The following GMEB1 variants were observed in gnomAD, a reference collection of about 807,000 sequenced individuals.
GMEB1 encodes the protein glucocorticoid modulatory element binding protein 1.
GMEB1 carries 6 observed loss-of-function variants against 52.4 expected under a neutral mutation model. The ratio of observed to expected loss-of-function variants is 0.11; its 90% confidence interval spans 0.06 to 0.23. The LOEUF is 0.23. Ranked by LOEUF, GMEB1 falls within the 10% of genes least tolerant of loss-of-function variation. The probability of loss-of-function intolerance (pLI) is 1.00; values close to 1 mark genes in which losing one functional copy is unlikely to be tolerated. For missense variants in GMEB1, 486 were observed against 685.6 expected (o/e 0.71, Z 3.25); for synonymous variants, 255 against 244.9 (o/e 1.04, Z -0.38).
At chr1:28,682,962 T>A (rs1247238412) in intron 1 of GMEB1, among the ~76,000 whole-genome samples, 1 of 152,170 alleles carries the variant, frequency 6.6e-6, no homozygotes, top group Non-Finnish European at 1.5e-5. Flanking sequence ...CAACTTAGTG[T>A]CACTAAACTC....
At chr1:28,707,475 G>T (rs762688636) in intron 8 of GMEB1, among the ~76,000 whole-genome samples, 1 of 152,084 alleles carries the variant, frequency 6.6e-6, no homozygotes, top group Non-Finnish European at 1.5e-5. Context: ...AAGTTAGGAA[G>T]AAGTGATTAG....
chr1:28,702,297 A>G lies in GMEB1; in HGVS notation c.599-141A>G, dbSNP rs538870755. On this transcript the variant is annotated intron_variant, in intron 6 of 9. Coordinates refer to ENST00000373816, the MANE Select transcript of GMEB1 (RefSeq NM_001319674.2). ...TTCATCCTAGCTTACCTAAGAGTCTAGTTTTTAAAATAGGGACCTGCAGCC... is the reference window on the plus strand; with the variant it reads ...TTCATCCTAGCTTACCTAAGAGTCTGGTTTTTAAAATAGGGACCTGCAGCC... 1.2e-4 allele frequency: 64 copies of G among 540,112 alleles called. 1 individual carries two copies. In the South Asian group the frequency reaches 2.1e-3, roughly 18 times the overall value. 33.5% of individuals were successfully genotyped at this position (540,112 alleles called of 1,614,324 possible).
intron 5 of GMEB1, among the ~76,000 whole-genome samples, chr1:28,696,621 C>G (rs1670222016): frequency 6.6e-6 from 1 of 152,044 alleles, no homozygotes; most frequent in African/African-American, 2.4e-5. Context: ...GAACTTTTTT[C>G]TGTATTCCTA....
intron 8 of GMEB1, among the ~76,000 whole-genome samples, chr1:28,709,133 C>A (rs79232715): frequency 2.9e-4 from 35 of 120,602 alleles, no homozygotes; most frequent in East Asian, 7.3e-4. Flanking sequence ...GACTCCATCT[C>A]AAAAAAAAAA....
chr1:28,714,805 G>T lies in GMEB1; in HGVS notation c.*32G>T. The T allele has an allele frequency of 7.1e-7, 1 of 1,406,868 alleles. No homozygotes were observed. Among genetic ancestry groups the T allele is most frequent in the South Asian group, 1.2e-5 (1 of 81,260 alleles). The allele number at this position is 1,406,868 out of a possible 1,614,324, so 87.1% of individuals were successfully genotyped here. On this transcript the variant is annotated 3_prime_UTR_variant, in exon 10 of 10. Coordinates refer to ENST00000373816, the MANE Select transcript of GMEB1 (RefSeq NM_001319674.2). ...ATCTCAGGGCCAGGAGTTATGTTTTGATTTGGAATTTTAATTATTTGTTTA... is the reference window on the plus strand; with the variant it reads ...ATCTCAGGGCCAGGAGTTATGTTTTTATTTGGAATTTTAATTATTTGTTTA...
At chr1:28,694,629 A>G (rs1323015230) in intron 5 of GMEB1, among the ~76,000 whole-genome samples, 1 of 151,634 alleles carries the variant, frequency 6.6e-6, no homozygotes, top group Non-Finnish European at 1.5e-5. Context: ...TACAGGTGTG[A>G]GCCAGTGTGG....
intron 5 of GMEB1, among the ~76,000 whole-genome samples, chr1:28,694,747 T>C: frequency 6.6e-6 from 1 of 151,902 alleles, no homozygotes; most frequent in Non-Finnish European, 1.5e-5. Context: ...CACTGCAACT[T>C]CCGCCTCCCA....
chr1:28,681,896 G>C (rs61786041), intron 1 of GMEB1, among the ~76,000 whole-genome samples: 92 of 152,062 alleles, frequency 6.1e-4, no homozygotes, highest in African/African-American at 2.2e-3. Flanking sequence ...TAGAGACAGG[G>C]TTTCTCCAGG....
chr1:28,686,655 A>G (rs1264636459), intron 2 of GMEB1, among the ~76,000 whole-genome samples: 2 of 148,010 alleles, frequency 1.4e-5, no homozygotes, highest in Non-Finnish European at 3.0e-5. Flanking sequence ...AAAGGACATT[A>G]TTCATACATG....
At chr1:28,687,383 C>CAAA (rs1435336898) in intron 2 of GMEB1, among the ~76,000 whole-genome samples, 6 of 35,206 alleles carry the variant, frequency 1.7e-4, no homozygotes, top group Admixed American at 8.4e-4. Context: ...CACACACACA[C>CAAA]ACACAAAAAA....
intron 5 of GMEB1, 144 bp from the exon 6 acceptor site, chr1:28,696,783 T>G (rs1489479147): frequency 1.9e-6 from 1 of 519,898 alleles, no homozygotes; most frequent in African/African-American, 2.0e-5. Context: ...TTAGAATTTT[T>G]GCAACCTAAT....
chr1:28,678,823 G>A (rs1356716167), intron 1 of GMEB1, among the ~76,000 whole-genome samples: 1 of 151,796 alleles, frequency 6.6e-6, no homozygotes, highest in Non-Finnish European at 1.5e-5. Context: ...CTGAGCTTAA[G>A]CAATCCGCCC....
intron 9 of GMEB1, among the ~76,000 whole-genome samples, chr1:28,711,353 T>C (rs1671052893): frequency 6.6e-6 from 1 of 152,010 alleles, no homozygotes; most frequent in Admixed American, 6.6e-5. Flanking sequence ...AAATACAGGC[T>C]TTTGGTCCCT....
intron 6 of GMEB1, among the ~76,000 whole-genome samples, chr1:28,701,965 C>T (rs952417370): frequency 1.3e-5 from 2 of 152,154 alleles, no homozygotes; most frequent in Admixed American, 6.6e-5. Context: ...CTTTTACTTT[C>T]TCTTTATAGG....
intron 1 of GMEB1, among the ~76,000 whole-genome samples, chr1:28,679,717 T>G (rs1480960464): frequency 1.3e-5 from 2 of 152,170 alleles, no homozygotes; most frequent in African/African-American, 4.8e-5. Context: ...GCTGTATAGC[T>G]TAGCCTAGCT....
At chr1:28,704,120 CGTT>C (rs754357146) in intron 7 of GMEB1, 69 bp from the exon 8 acceptor site, 36 of 1,282,366 alleles carry the variant, frequency 2.8e-5, no homozygotes, top group Non-Finnish European at 3.8e-5. Context: ...TTGAATTTAA[CGTT>C]GTAGAGATTT....
At position 28,715,507 on chromosome 1, in the gene GMEB1, CAGG is replaced by C. The variant is rs908081072; in HGVS notation, c.*737_*739del. 1 of 148,686 alleles carries C rather than the reference CAGG, an allele frequency of 6.7e-6. No individual in the cohort carries two copies. The highest frequency in any genetic ancestry group is 2.5e-5 in the African/African-American group (1 of 40,080). 9.2% of individuals were successfully genotyped at this position (148,686 alleles called of 1,614,324 possible). A position where few individuals can be genotyped will look rare whatever the true frequency, so the allele number is the denominator to read the frequency against. On this transcript the variant is annotated 3_prime_UTR_variant, in exon 10 of 10. Transcript: ENST00000373816. Reference sequence around the variant, plus strand: ...ATCCCAGCTATTCAGGAGGCCAAGGCAGGAGAATCGCTTGAACCTGGGAAGGCA... The same window carrying C: ...ATCCCAGCTATTCAGGAGGCCAAGGCAGAATCGCTTGAACCTGGGAAGGCA...
intron 1 of GMEB1, among the ~76,000 whole-genome samples, chr1:28,677,145 A>G (rs1669186630): frequency 6.6e-6 from 1 of 152,204 alleles, no homozygotes; most frequent in Non-Finnish European, 1.5e-5. Flanking sequence ...CTTGTGTCCT[A>G]TCCCCCAGAT....
chr1:28,714,923 T>C lies in GMEB1; in HGVS notation c.*150T>C. 1.6e-6 allele frequency: 1 copy of C among 632,124 alleles called. No individual in the cohort carries two copies. 39.2% of individuals were successfully genotyped at this position (632,124 alleles called of 1,614,324 possible). On this transcript the variant is annotated 3_prime_UTR_variant, in exon 10 of 10. Coordinates refer to ENST00000373816, the MANE Select transcript of GMEB1 (RefSeq NM_001319674.2). ...TGTTGTAACTGAAAATGTTGGGTTCTTCCCACTCCCTCATTGAAAAATGGA... is the reference window on the plus strand; with the variant it reads ...TGTTGTAACTGAAAATGTTGGGTTCCTCCCACTCCCTCATTGAAAAATGGA...
Sources: allele counts gnomAD v4.1 joint callset (sites outside exome capture counted in the v4.1 genomes callset), GRCh38; gene constraint gnomAD v4.1.1; transcripts MANE v1.5; gene names NCBI Gene and HGNC (gene_info 2026-07-23, HGNC 2026-07-21).